The following TMEM107 variants were observed in gnomAD, a reference collection of about 807,000 sequenced individuals.
TMEM107 encodes the protein transmembrane protein 107.
Under a neutral mutation model 16.8 loss-of-function variants are expected in TMEM107, and 18 were observed. The ratio of observed to expected loss-of-function variants is 1.07; its 90% CI spans 0.74 to 1.59. The LOEUF (loss-of-function observed/expected upper bound fraction) is 1.59, where lower values mean the gene tolerates loss of function less well. Among genes scored for constraint, TMEM107 ranks in the 40% most tolerant of loss-of-function variants. The pLI is 0.00. For synonymous variants in TMEM107, 68 were observed against 71.6 expected, an observed-to-expected ratio of 0.95 and a Z score of 0.25; for missense variants, 152 against 175.4, an observed-to-expected ratio of 0.87 and a Z score of 0.75.
intron 3 of TMEM107, 164 bp downstream of exon 3, chr17:8,175,593 C>T: frequency 1.3e-6 from 1 of 754,452 alleles, no homozygotes; most frequent in Non-Finnish European, 2.4e-6. Flanking sequence ...ATTTTACTCT[C>T]ATTTTGGGAT....
chr17:8,175,740 G>A lies in TMEM107; in HGVS notation c.256+17C>T, dbSNP rs761269366. On this transcript the variant is annotated intron_variant, in intron 3 of 4. Transcript: ENST00000437139. ...GAAGTGGGTCGTGTGGGAAAGGTGGGCAGGCAGAAAGGATACAGATGAGGC... is the reference window on the plus strand; with the variant it reads ...GAAGTGGGTCGTGTGGGAAAGGTGGACAGGCAGAAAGGATACAGATGAGGC... 1.9e-6 allele frequency: 3 copies of A among 1,605,250 alleles called. No homozygotes were observed. Among genetic ancestry groups the A allele is most frequent in the Admixed American group, 1.7e-5 (1 of 60,006 alleles).
intron 2 of TMEM107, 51 bp from the exon 3 acceptor site, chr17:8,175,908 C>T (rs762685677): frequency 6.2e-7 from 1 of 1,613,846 alleles, no homozygotes; most frequent in African/African-American, 1.3e-5. Context: ...TTCTAAGACC[C>T]CTCCACTCCC....
In TMEM107 at chr17:8,176,245, C is replaced by A. The variant is rs1449946819; in HGVS notation, c.42G>T (p.Thr14=). 2 of 1,614,092 alleles carry A rather than the reference C, an allele frequency of 1.2e-6. No individual in the cohort carries two copies. The highest frequency in any genetic ancestry group is 2.2e-5 in the East Asian group (1 of 44,884). Residue 14 remains threonine, a synonymous_variant, in exon 1 of 5, where the codon ACG becomes ACT. Coordinates refer to ENST00000437139, the MANE Select transcript of TMEM107 (RefSeq NM_183065.4). ...TGACGACCACCAGATGCGCCAGGAGCGTCAGGAAGCGAGAGGGCACAAGCC... is the reference window on the plus strand; with the variant it reads ...TGACGACCACCAGATGCGCCAGGAGAGTCAGGAAGCGAGAGGGCACAAGCC... ...VSGLVPSRFL[T]LLAHLVVVIT...
rs183982066 is a variant in TMEM107, at chr17:8,173,595, A to T, written c.*608T>A. The stretch of plus-strand genomic sequence containing the variant: ...GATTATCCCACCTGACGATACAGAC[A>T]AACAGCCGACATTCTGCACTCAGTG... On this transcript the variant is annotated 3_prime_UTR_variant, in exon 5 of 5. Coordinates refer to ENST00000437139, the MANE Select transcript of TMEM107 (RefSeq NM_183065.4). The T allele has an allele frequency of 7.9e-6, 6 of 758,132 alleles. No individual in the cohort carries two copies. Among genetic ancestry groups the T allele is most frequent in the Non-Finnish European group, 1.5e-5 (6 of 413,520 alleles). 47.0% of individuals were successfully genotyped at this position (758,132 alleles called of 1,614,324 possible).
rs371884450 is a variant in TMEM107 at position 8,173,589 on chromosome 17, A to C, written c.*614T>G. 1.0e-4 allele frequency: 76 copies of C among 763,788 alleles called. No individual in the cohort carries two copies. The highest frequency in any genetic ancestry group is 6.8e-4 in the Middle Eastern group (3 of 4,432). The allele number at this position is 763,788 out of a possible 1,614,324, so 47.3% of individuals were successfully genotyped here. ...GGTAAGGATTATCCCACCTGACGAT[A>C]CAGACAAACAGCCGACATTCTGCAC... On this transcript the variant is annotated 3_prime_UTR_variant, in exon 5 of 5. Transcript: ENST00000437139.
rs760639226 is a variant in TMEM107 at position 8,176,042 on chromosome 17, A to G, written c.88-16T>C. The G allele has an allele frequency of 3.3e-5, 53 of 1,614,054 alleles. 1 individual carries two copies. In the South Asian group the frequency reaches 5.7e-4, roughly 17 times the overall value. On this transcript the variant is annotated splice_polypyrimidine_tract_variant and intron_variant, in intron 1 of 4. Coordinates refer to ENST00000437139, the MANE Select transcript of TMEM107 (RefSeq NM_183065.4). ...TGTTGCTGTCCTGGGAGCAGGGCAC[A>G]GGAAGAGAAGTGAAAAAGGGGCAGG...
chr17:8,174,353 G>A (rs1295014503), intron 4 of TMEM107, 81 bp from the exon 5 acceptor site: 2 of 1,410,500 alleles, frequency 1.4e-6, no homozygotes, highest in Non-Finnish European at 2.0e-6. Context: ...ACCTCTGAAA[G>A]TGTAGGGCAG....
rs184947265 is a variant in TMEM107 at position 8,173,414 on chromosome 17, C to A, written c.*789G>T. 1.3e-6 allele frequency: 1 copy of A among 743,820 alleles called. No homozygotes were observed. Among genetic ancestry groups the A allele is most frequent in the South Asian group, 1.4e-5 (1 of 72,454 alleles). 46.1% of individuals were successfully genotyped at this position (743,820 alleles called of 1,614,324 possible). ...TCATAGCTATGTTTGTGGATATCTG[C>A]TAATCAGCATAACACAAATGTAAGT... On this transcript the variant is annotated 3_prime_UTR_variant, in exon 5 of 5. Transcript: ENST00000437139.
rs1567550677 is a variant in TMEM107, at chr17:8,173,525, C to CA, written c.*677dup. The CA allele has an allele frequency of 9.1e-6, 7 of 765,244 alleles. No homozygotes were observed. Among genetic ancestry groups the CA allele is most frequent in the Non-Finnish European group, 1.4e-5 (6 of 418,024 alleles). The allele number at this position is 765,244 out of a possible 1,614,324, so 47.4% of individuals were successfully genotyped here. A position where few individuals can be genotyped will look rare whatever the true frequency, so the allele number is the denominator to read the frequency against. ...ACGTTAATCACGTTTCATGCATCTCCAATCATCATGTTCTAATCTGCCCTC... is the reference window on the plus strand; with the variant it reads ...ACGTTAATCACGTTTCATGCATCTCCAAATCATCATGTTCTAATCTGCCCTC... On this transcript the variant is annotated 3_prime_UTR_variant, in exon 5 of 5. Transcript: ENST00000437139.
Position 8,173,347 on chromosome 17 carries a change from A to G in TMEM107, c.*856T>C, listed in dbSNP as rs1482389791. The G allele has an allele frequency of 6.6e-6, 4 of 602,120 alleles. No individual in the cohort carries two copies. The Admixed American group carries it at 7.2e-5, about 11-fold the overall frequency. 37.3% of individuals were successfully genotyped at this position (602,120 alleles called of 1,614,324 possible). A position where few individuals can be genotyped will look rare whatever the true frequency, so the allele number is the denominator to read the frequency against. ...AAAATAGACAAACAGCAATAGCAAG[A>G]CTGCAAAATAGACAAACAGCAAGGT... On this transcript the variant is annotated 3_prime_UTR_variant, in exon 5 of 5. Coordinates refer to ENST00000437139, the MANE Select transcript of TMEM107 (RefSeq NM_183065.4).
In TMEM107 at chr17:8,176,181, G is replaced by A; in HGVS notation, c.87+19C>T. 2 of 1,611,786 alleles carry A rather than the reference G, an allele frequency of 1.2e-6. No homozygotes were observed. The highest frequency in any genetic ancestry group is 2.7e-5 in the African/African-American group (2 of 75,004). ...AGAGATGGGAATGGGGACGGATTGA[G>A]TGCAGCCGTGGGTCTTACCCGGGAC... is the stretch of plus-strand genomic sequence containing the variant. On this transcript the variant is annotated intron_variant, in intron 1 of 4. Coordinates refer to ENST00000437139, the MANE Select transcript of TMEM107 (RefSeq NM_183065.4).
chr17:8,174,364 G>T, intron 4 of TMEM107, 92 bp from the exon 5 acceptor site: 1 of 1,347,914 alleles, frequency 7.4e-7, no homozygotes, highest in South Asian at 1.2e-5. Flanking sequence ...TGTAGGGCAG[G>T]TGGCATGGGG....
chr17:8,175,407 A>C, intron 3 of TMEM107: 3 of 516,426 alleles, frequency 5.8e-6, no homozygotes, highest in Non-Finnish European at 1.0e-5. Flanking sequence ...CACAGTGCTT[A>C]TCACACTGAA....
chr17:8,172,650 G>A lies in TMEM107; in HGVS notation c.*1553C>T, dbSNP rs1983625127. 1.3e-5 allele frequency among the ~76,000 whole-genome samples: 2 copies of A among 151,774 alleles called. No individual in the cohort carries two copies. The highest frequency in any genetic ancestry group is 4.2e-4 in the South Asian group (2 of 4,802). ...AGGACGGCTTGAGCCCAGGAGTTTGGGACCAGCTTGGGCAACACAGTGAGA... is the reference window on the plus strand; with the variant it reads ...AGGACGGCTTGAGCCCAGGAGTTTGAGACCAGCTTGGGCAACACAGTGAGA... On this transcript the variant is annotated 3_prime_UTR_variant, in exon 5 of 5. Coordinates refer to ENST00000437139, the MANE Select transcript of TMEM107 (RefSeq NM_183065.4).
Position 8,174,179 on chromosome 17 carries a change from C to T in TMEM107, c.*24G>A. On this transcript the variant is annotated 3_prime_UTR_variant, in exon 5 of 5. Coordinates refer to ENST00000437139, the MANE Select transcript of TMEM107 (RefSeq NM_183065.4). ...GGCCCTTGCCCCTGTAGGCTTCGTCCTTAGGTTCCCGTCATGAAGGTAATC... is the reference window on the plus strand; with the variant it reads ...GGCCCTTGCCCCTGTAGGCTTCGTCTTTAGGTTCCCGTCATGAAGGTAATC... 1 of 1,611,508 alleles carries T rather than the reference C, an allele frequency of 6.2e-7. No homozygotes were observed. The highest frequency in any genetic ancestry group is 8.5e-7 in the Non-Finnish European group (1 of 1,177,622).
Position 8,173,528 on chromosome 17 carries a change from T to TA in TMEM107, c.*674_*675insT, listed in dbSNP as rs757706428. 6 of 765,284 alleles carry TA rather than the reference T, an allele frequency of 7.8e-6. No individual in the cohort carries two copies. In the African/African-American group the frequency reaches 8.5e-5, roughly 11 times the overall value. The allele number at this position is 765,284 out of a possible 1,614,324, so 47.4% of individuals were successfully genotyped here. A position where few individuals can be genotyped will look rare whatever the true frequency, so the allele number is the denominator to read the frequency against. ...TTAATCACGTTTCATGCATCTCCAA[T>TA]CATCATGTTCTAATCTGCCCTCCGG... On this transcript the variant is annotated 3_prime_UTR_variant, in exon 5 of 5. Transcript: ENST00000437139.
Position 8,173,309 on chromosome 17 carries a change from TTAG to T in TMEM107, c.*891_*893del. 1 of 533,516 alleles carries T rather than the reference TTAG, an allele frequency of 1.9e-6. No individual in the cohort carries two copies. Among genetic ancestry groups the T allele is most frequent in the African/African-American group, 1.9e-5 (1 of 52,288 alleles). The allele number at this position is 533,516 out of a possible 1,614,324, so 33.0% of individuals were successfully genotyped here. ...TCACAATTTTCAAGAACAAACAAAT[TTAG>T]CAAGACTGCAAAATAGACAAACAGC... is the stretch of plus-strand genomic sequence containing the variant. On this transcript the variant is annotated 3_prime_UTR_variant, in exon 5 of 5. Transcript: ENST00000437139.
chr17:8,173,270 C>T lies in TMEM107; in HGVS notation c.*933G>A. ...ATTTCACTGCCTAAATTCCAGAAAG[C>T]AACAAAAACCAAATCACAATTTTCA... is the stretch of plus-strand genomic sequence containing the variant. On this transcript the variant is annotated 3_prime_UTR_variant, in exon 5 of 5. Transcript: ENST00000437139. 1.9e-6 allele frequency: 1 copy of T among 515,996 alleles called. No homozygotes were observed. The highest frequency in any genetic ancestry group is 3.0e-5 in the East Asian group (1 of 33,130). 32.0% of individuals were successfully genotyped at this position (515,996 alleles called of 1,614,324 possible). A position where few individuals can be genotyped will look rare whatever the true frequency, so the allele number is the denominator to read the frequency against.
At chr17:8,175,521 G>A in intron 3 of TMEM107, 1 of 619,092 alleles carries the variant, frequency 1.6e-6, no homozygotes. Context: ...GTTGCCTCCT[G>A]CCTGCGCCTC....
Sources: allele counts gnomAD v4.1 joint callset (sites outside exome capture counted in the v4.1 genomes callset), GRCh38; gene constraint gnomAD v4.1.1; transcripts MANE v1.5; gene names NCBI Gene and HGNC (gene_info 2026-07-23, HGNC 2026-07-21).